Variants in UTRN observed in about 807,000 individuals in gnomAD.
The protein encoded by UTRN is dystrophin-related protein 1.
UTRN carries 283 observed loss-of-function variants against 463.9 expected under a neutral mutation model. That is an observed-to-expected ratio of 0.61 (90% confidence interval 0.55 to 0.67). UTRN has a LOEUF of 0.67. Among genes scored for constraint, UTRN ranks in the 30% least tolerant of loss-of-function variants. The pLI, the probability that UTRN is intolerant of heterozygous loss-of-function variation, is 0.00. For missense variants in UTRN, 3,922 were observed against 4,084.3 expected, an observed-to-expected ratio of 0.96 and a Z score of 1.08; for synonymous variants, 1,442 against 1,431.5, an observed-to-expected ratio of 1.01 and a Z score of -0.17.
chr6:144,684,002 A>G (rs1165180477), intron 52 of UTRN, among the ~76,000 whole-genome samples: 4 of 150,900 alleles, frequency 2.7e-5, no homozygotes, highest in Admixed American at 2.0e-4. Flanking sequence ...CCTGATCTAT[A>G]TATAGGACAT....
At chr6:144,287,439 G>T (rs1480576010) in intron 1 of UTRN, among the ~76,000 whole-genome samples, 1 of 152,080 alleles carries the variant, frequency 6.6e-6, no homozygotes, top group Non-Finnish European at 1.5e-5. Flanking sequence ...ACTCTTGTCC[G>T]CTTGGCTTCC....
rs780987423 is a variant in UTRN at position 144,839,169 on chromosome 6, C to T, written c.10066-4C>T. On this transcript the variant is annotated splice_polypyrimidine_tract_variant and splice_region_variant and intron_variant, in intron 71 of 74. Transcript: ENST00000367545. Reference sequence around the variant, plus strand: ...TCTGCTTTAACCTCTGAATGTGGTTCCAGCCTGAATCTGATTCCCGAATCA... The same window carrying T: ...TCTGCTTTAACCTCTGAATGTGGTTTCAGCCTGAATCTGATTCCCGAATCA... The T allele has an allele frequency of 1.9e-6, 3 of 1,611,348 alleles. No individual in the cohort carries two copies. The East Asian group carries it at 6.7e-5, about 36-fold the overall frequency.
At chr6:144,678,739 G>C (rs898455616) in intron 52 of UTRN, among the ~76,000 whole-genome samples, 161 bp downstream of exon 52, 4 of 152,074 alleles carry the variant, frequency 2.6e-5, no homozygotes, top group African/African-American at 9.7e-5. Flanking sequence ...GAGTTATATA[G>C]TTCAAGCTCT....
intron 53 of UTRN, among the ~76,000 whole-genome samples, chr6:144,720,333 AG>A (rs1453306015): frequency 2.0e-5 from 3 of 152,340 alleles, no homozygotes; most frequent in African/African-American, 7.2e-5. Context: ...AGACCATTAA[AG>A]GAGGATAATT....
At chr6:144,461,522 TAAA>T (rs1038994189) in intron 22 of UTRN, among the ~76,000 whole-genome samples, 180 bp downstream of exon 22, 2 of 152,246 alleles carry the variant, frequency 1.3e-5, no homozygotes, top group African/African-American at 4.8e-5. Context: ...GTACAGTTAT[TAAA>T]AATTTTTTCA....
At chr6:144,462,915 T>C in intron 23 of UTRN, 49 bp downstream of exon 23, 1 of 1,353,010 alleles carries the variant, frequency 7.4e-7, no homozygotes, top group South Asian at 1.3e-5. Flanking sequence ...GGGTAAATAG[T>C]AATTATCTTA....
intron 35 of UTRN, among the ~76,000 whole-genome samples, chr6:144,513,079 T>C (rs949015021): frequency 6.6e-6 from 1 of 152,192 alleles, no homozygotes; most frequent in Non-Finnish European, 1.5e-5. Context: ...AAATCTGTTC[T>C]GTCAAGCACA....
intron 51 of UTRN, among the ~76,000 whole-genome samples, chr6:144,588,406 C>A (rs568021122): frequency 6.6e-6 from 1 of 152,152 alleles, no homozygotes; most frequent in African/African-American, 2.4e-5. Context: ...AGATCTGATG[C>A]AATGCTTTGT....
intron 9 of UTRN, 47 bp from the exon 10 acceptor site, chr6:144,435,888 C>G (rs1450760200): frequency 1.9e-6 from 3 of 1,596,034 alleles, no homozygotes; most frequent in Non-Finnish European, 2.6e-6. Flanking sequence ...CTGAACACCT[C>G]TTGCTTTGAT....
At chr6:144,772,280 C>T (rs532590094) in intron 59 of UTRN, among the ~76,000 whole-genome samples, 8 of 151,516 alleles carry the variant, frequency 5.3e-5, no homozygotes, top group Admixed American at 2.0e-4. Flanking sequence ...GCAATCCACC[C>T]GCCTCGGCCT....
At chr6:144,394,403 T>A (rs1782210499) in intron 2 of UTRN, among the ~76,000 whole-genome samples, 1 of 152,166 alleles carries the variant, frequency 6.6e-6, no homozygotes, top group Non-Finnish European at 1.5e-5. Flanking sequence ...ATGAGACTTA[T>A]TCATTACCAC....
rs1462669097 is a variant in UTRN, at chr6:144,440,340, T to C, written c.1393-12T>C. ...AGTAGAAATAATGGTTTATCTTAATTTTTTTCTCTAGAGTTTGCAAAGTGA... is the reference window on the plus strand; with the variant it reads ...AGTAGAAATAATGGTTTATCTTAATCTTTTTCTCTAGAGTTTGCAAAGTGA... On this transcript the variant is annotated splice_polypyrimidine_tract_variant and intron_variant, in intron 12 of 74. Transcript: ENST00000367545. The C allele has an allele frequency of 1.2e-6, 2 of 1,613,932 alleles. No homozygotes were observed. The highest frequency in any genetic ancestry group is 2.7e-5 in the African/African-American group (2 of 74,920).
At chr6:144,738,276 C>G (rs1361025506) in intron 54 of UTRN, among the ~76,000 whole-genome samples, 1 of 152,188 alleles carries the variant, frequency 6.6e-6, no homozygotes, top group Non-Finnish European at 1.5e-5. Flanking sequence ...GTGCTGCCAG[C>G]CTCCCCTGGC....
At chr6:144,397,571 A>T (rs780995510) in intron 2 of UTRN, among the ~76,000 whole-genome samples, 108 of 152,158 alleles carry the variant, frequency 7.1e-4, no homozygotes, top group Non-Finnish European at 1.4e-3. Context: ...ACATCATTAG[A>T]TGTTATAGCC....
intron 2 of UTRN, among the ~76,000 whole-genome samples, chr6:144,345,189 G>A (rs1447372663): frequency 6.7e-6 from 1 of 149,576 alleles, no homozygotes; most frequent in East Asian, 2.0e-4. Context: ...AGGGGTTGTA[G>A]CGTTGTCTCT....
intron 9 of UTRN, among the ~76,000 whole-genome samples, chr6:144,435,266 G>A (rs1476173162): frequency 6.6e-6 from 1 of 152,146 alleles, no homozygotes; most frequent in African/African-American, 2.4e-5. Context: ...AAAGAACTAG[G>A]GAGAGTCAAT....
chr6:144,478,577 C>T (rs1039051721), intron 25 of UTRN, among the ~76,000 whole-genome samples: 1 of 152,144 alleles, frequency 6.6e-6, no homozygotes, highest in Admixed American at 6.5e-5. Flanking sequence ...CTTGTTTGGT[C>T]CTGTCTATTT....
Position 144,824,614 on chromosome 6 carries a change from C to CTTTTT in UTRN, c.9495-2715_9495-2711dup, listed in dbSNP as rs34382974. On this transcript the variant is annotated intron_variant, in intron 66 of 74. Transcript: ENST00000367545. ...TATATATATATATATATATATATAT[C>CTTTTT]TTTTTTTTTTTTTTTTTTTTTTTGA... 2.1e-3 allele frequency among the ~76,000 whole-genome samples: 65 copies of CTTTTT among 30,868 alleles called. 3 individuals carry two copies. Among genetic ancestry groups the CTTTTT allele is most frequent in the African/African-American group, 6.3e-3 (60 of 9,468 alleles). The allele number at this position is 30,868 out of a possible 152,430, so 20.3% of individuals were successfully genotyped here. A position where few individuals can be genotyped will look rare whatever the true frequency, so the allele number is the denominator to read the frequency against.
At chr6:144,546,968 CTT>C (rs1347188224) in intron 46 of UTRN, among the ~76,000 whole-genome samples, 1 of 152,226 alleles carries the variant, frequency 6.6e-6, no homozygotes, top group Admixed American at 6.5e-5. Flanking sequence ...CATTTGGTCT[CTT>C]GTGATGTCAC....
Sources: allele counts gnomAD v4.1 joint callset (sites outside exome capture counted in the v4.1 genomes callset), GRCh38; gene constraint gnomAD v4.1.1; transcripts MANE v1.5; gene names NCBI Gene and HGNC (gene_info 2026-07-23, HGNC 2026-07-21).